NTHL1: variants seen among roughly 807,000 people sequenced by gnomAD.
The protein encoded by NTHL1 is endonuclease III-like protein 1.
NTHL1 carries 32 observed loss-of-function variants against 32.3 expected under a neutral mutation model. The observed-to-expected ratio is 0.99, with a 90% CI of 0.75 to 1.33. The LOEUF (loss-of-function observed/expected upper bound fraction) is 1.33. NTHL1 is among the 40% of genes most tolerant of loss of function. The pLI, the probability that NTHL1 is intolerant of heterozygous loss-of-function variation, is 0.00. For missense variants in NTHL1, 501 were observed against 414.1 expected (o/e 1.21, Z -1.82); for synonymous variants, 188 against 176.9 (o/e 1.06, Z -0.50).
chr16:2,041,933 A>AG, intron 4 of NTHL1: 1 of 415,054 alleles, frequency 2.4e-6, no homozygotes, highest in South Asian at 1.7e-5. Flanking sequence ...TTGTATTTTT[A>AG]GTAGAGAGCG....
Position 2,044,818 on chromosome 16 carries a change from G to A in NTHL1, c.355-18C>T, listed in dbSNP as rs990799280. On this transcript the variant is annotated intron_variant, in intron 2 of 5. Coordinates refer to ENST00000651570, the MANE Select transcript of NTHL1 (RefSeq NM_002528.7). This position sits in a 1 kb window ranked among gnomAD's most constrained non-coding sequence, Gnocchi z 5.0. ...CTGCGTACCTGCTTGTGCAGTGACA[G>A]GGACCGGGGTGGCGGCGGGTCCTGG... 6.3e-7 allele frequency: 1 copy of A among 1,583,186 alleles called. No homozygotes were observed.
chr16:2,044,798 T>G lies in NTHL1; in HGVS notation c.357A>C (p.Val119=), dbSNP rs776325627. Residue 119 remains valine (V), a splice_region_variant and synonymous_variant, in exon 3 of 6, where the codon GTA becomes GTC. Coordinates refer to ENST00000651570, the MANE Select transcript of NTHL1 (RefSeq NM_002528.7). The surrounding 1 kb of genome is among the most constrained non-coding windows in gnomAD (Gnocchi z 5.0). ...GTGACAGCAGCACCTGGTACCTGCG[T>G]ACCTGCTTGTGCAGTGACAGGGACC... ...HCYDSSAPPK[V]RRYQVLLSLM... The G allele has an allele frequency of 1.9e-6, 3 of 1,602,952 alleles. No homozygotes were observed. The highest frequency in any genetic ancestry group is 3.4e-5 in the Admixed American group (2 of 58,788).
rs2150941253 is a variant in NTHL1 at position 2,043,629 on chromosome 16, C to A, written c.623G>T (p.Gly208Val). The A allele has an allele frequency of 1.9e-6, 3 of 1,611,084 alleles. No individual in the cohort carries two copies. The highest frequency in any genetic ancestry group is 2.5e-6 in the Non-Finnish European group (3 of 1,179,970). The change falls in exon 4 of 6, where the codon GGT (glycine) becomes GTT (valine). Residue 208 changes from glycine to valine, a missense_variant. Coordinates refer to ENST00000651570, the MANE Select transcript of NTHL1 (RefSeq NM_002528.7). The surrounding 1 kb of genome is among the most constrained non-coding windows in gnomAD (Gnocchi z 4.4). ...CAGGTGTGCCATCTTGGGCCCAACA[C>A]CCGGCAGCGCCACCAGCTCGGCCAC... ...ASVAELVALP[G>V]VGPKMAHLAM... is the part of the protein sequence containing the mutation.
In NTHL1 at chr16:2,043,283, G is replaced by A. The variant is rs2084294200; in HGVS notation, c.685+284C>T. Among the ~76,000 whole-genome samples, 1 of 152,006 alleles carries A rather than the reference G, an allele frequency of 6.6e-6. No homozygotes were observed. Among genetic ancestry groups the A allele is most frequent in the South Asian group, 2.1e-4 (1 of 4,818 alleles). ...ATCAGGGTTTCCACTCCACGAGTGG[G>A]GAATTCCTCGCTCCACATTTCTCCC... On this transcript the variant is annotated intron_variant, in intron 4 of 5. Coordinates refer to ENST00000651570, the MANE Select transcript of NTHL1 (RefSeq NM_002528.7). This position sits in a 1 kb window ranked among gnomAD's most constrained non-coding sequence, Gnocchi z 4.4.
In NTHL1 at chr16:2,044,560, C is replaced by T; in HGVS notation, c.525+70G>A. 1.3e-6 allele frequency: 2 copies of T among 1,579,990 alleles called. No individual in the cohort carries two copies. The highest frequency in any genetic ancestry group is 1.7e-6 in the Non-Finnish European group (2 of 1,165,044). Reference sequence around the variant, plus strand: ...CCCTCACTTCCTGCACCGTCGCCACCCCCCTCAGCCTTCTGAGGTCTCTCT... The same window carrying T: ...CCCTCACTTCCTGCACCGTCGCCACTCCCCTCAGCCTTCTGAGGTCTCTCT... On this transcript the variant is annotated intron_variant, in intron 3 of 5. Transcript: ENST00000651570. The surrounding 1 kb of genome is among the most constrained non-coding windows in gnomAD (Gnocchi z 5.0).
chr16:2,045,794 C>T (rs2084342355), intron 2 of NTHL1, among the ~76,000 whole-genome samples: 1 of 152,156 alleles, frequency 6.6e-6, no homozygotes, highest in African/African-American at 2.4e-5. Flanking sequence ...GTATCCAAGC[C>T]ACCTGGTAGC....
rs377199671 is a variant in NTHL1 at position 2,044,500 on chromosome 16, G to T, written c.525+130C>A. On this transcript the variant is annotated intron_variant, in intron 3 of 5. Transcript: ENST00000651570. The surrounding 1 kb of genome is among the most constrained non-coding windows in gnomAD (Gnocchi z 5.0). ...CTCAGGGCCCCACGGCCTGGGGGGG[G>T]CTTCAGGGGGACCCCCCGAGCCTGA... 1.7e-6 allele frequency: 2 copies of T among 1,204,484 alleles called. No individual in the cohort carries two copies. Among genetic ancestry groups the T allele is most frequent in the South Asian group, 1.3e-5 (1 of 78,752 alleles). The allele number at this position is 1,204,484 out of a possible 1,614,324, so 74.6% of individuals were successfully genotyped here. A position where few individuals can be genotyped will look rare whatever the true frequency, so the allele number is the denominator to read the frequency against.
chr16:2,040,883 C>T (rs2084259850), intron 4 of NTHL1, among the ~76,000 whole-genome samples: 1 of 152,220 alleles, frequency 6.6e-6, no homozygotes, highest in African/African-American at 2.4e-5. Flanking sequence ...AACAGCTCTG[C>T]CTGGCAGGCC....
At chr16:2,040,548 T>C (rs1166538805) in intron 4 of NTHL1, 5 of 493,770 alleles carry the variant, frequency 1.0e-5, no homozygotes, top group South Asian at 2.0e-5. Context: ...GTCTCTGCTT[T>C]GGGCAGGGCC....
Position 2,043,784 on chromosome 16 carries a change from A to T in NTHL1, c.526-58T>A. 1 of 1,597,778 alleles carries T rather than the reference A, an allele frequency of 6.3e-7. No individual in the cohort carries two copies. Among genetic ancestry groups the T allele is most frequent in the Non-Finnish European group, 8.5e-7 (1 of 1,173,982 alleles). Reference sequence around the variant, plus strand: ...CAAGGGCACAGCCCAACCTGGGAGGATGCAGCCCCCAGGAGACCCACAGGT... The same window carrying T: ...CAAGGGCACAGCCCAACCTGGGAGGTTGCAGCCCCCAGGAGACCCACAGGT... On this transcript the variant is annotated intron_variant, in intron 3 of 5. Coordinates refer to ENST00000651570, the MANE Select transcript of NTHL1 (RefSeq NM_002528.7). This position sits in a 1 kb window ranked among gnomAD's most constrained non-coding sequence, Gnocchi z 4.4.
At chr16:2,041,413 G>A (rs948586223) in intron 4 of NTHL1, among the ~76,000 whole-genome samples, 3 of 152,162 alleles carry the variant, frequency 2.0e-5, no homozygotes, top group Non-Finnish European at 4.4e-5. Flanking sequence ...TGCAGAGCTG[G>A]GACCGGAGCC....
Position 2,044,354 on chromosome 16 carries a change from C to T in NTHL1, c.525+276G>A, listed in dbSNP as rs943400493. Among the ~76,000 whole-genome samples, 8 of 151,994 alleles carry T rather than the reference C, an allele frequency of 5.3e-5. No homozygotes were observed. The highest frequency in any genetic ancestry group is 1.7e-4 in the African/African-American group (7 of 41,392). The stretch of plus-strand genomic sequence containing the variant: ...GGCTAGCAGTAAACAAAGGGAAAGG[C>T]GGGTGGGCAGGCAGCCTTGGCGGTG... On this transcript the variant is annotated intron_variant, in intron 3 of 5. Transcript: ENST00000651570. The surrounding 1 kb of genome is among the most constrained non-coding windows in gnomAD (Gnocchi z 5.0).
chr16:2,039,835 G>C lies in NTHL1; in HGVS notation c.*89C>G. 1 of 1,572,154 alleles carries C rather than the reference G, an allele frequency of 6.4e-7. No homozygotes were observed. Among genetic ancestry groups the C allele is most frequent in the South Asian group, 1.1e-5 (1 of 89,898 alleles). Reference sequence around the variant, plus strand: ...AGATCCCATCTGCAAACACACCAAAGCTTTATTCAACAGGCGTGGCTTCCT... The same window carrying C: ...AGATCCCATCTGCAAACACACCAAACCTTTATTCAACAGGCGTGGCTTCCT... On this transcript the variant is annotated 3_prime_UTR_variant, in exon 6 of 6. Transcript: ENST00000651570.
At position 2,044,086 on chromosome 16, in the gene NTHL1, C is replaced by G. The variant is rs919371501; in HGVS notation, c.526-360G>C. 2.6e-6 allele frequency: 1 copy of G among 382,958 alleles called. No homozygotes were observed. Among genetic ancestry groups the G allele is most frequent in the East Asian group, 5.6e-5 (1 of 17,940 alleles). 23.7% of individuals were successfully genotyped at this position (382,958 alleles called of 1,614,324 possible). On this transcript the variant is annotated intron_variant, in intron 3 of 5. Transcript: ENST00000651570. This position sits in a 1 kb window ranked among gnomAD's most constrained non-coding sequence, Gnocchi z 5.0. ...GGAAGGAGGGCTGGAGCTGGGGCTT[C>G]CCCACCAGCTGCCAGGCCTGCCGGG...
Position 2,044,672 on chromosome 16 carries a change from A to G in NTHL1, c.483T>C (p.Asp161=), listed in dbSNP as rs112724577. 8 of 1,610,898 alleles carry G rather than the reference A, an allele frequency of 5.0e-6. No individual in the cohort carries two copies. The African/African-American group carries it at 1.1e-4, about 21-fold the overall frequency. ...LTVDSILQTD[D]ATLGKLIYPV... ...GGTAGATGAGCTTGCCCAGCGTGGC[A>G]TCATCTGTCTGCAGGATGCTGTCCA... Residue 161 remains aspartate (D), a synonymous_variant, in exon 3 of 6, where the codon GAT becomes GAC. Coordinates refer to ENST00000651570, the MANE Select transcript of NTHL1 (RefSeq NM_002528.7). The surrounding 1 kb of genome is among the most constrained non-coding windows in gnomAD (Gnocchi z 5.0).
intron 4 of NTHL1, 139 bp from the exon 5 acceptor site, chr16:2,040,377 C>T: frequency 1.2e-6 from 1 of 807,716 alleles, no homozygotes; most frequent in South Asian, 1.4e-5. Context: ...TGGCTGCAAG[C>T]CTACATGTGA....
rs1386643806 is a variant in NTHL1 at position 2,043,287 on chromosome 16, T to C, written c.685+280A>G. Reference sequence around the variant, plus strand: ...GGGTTTCCACTCCACGAGTGGGGAATTCCTCGCTCCACATTTCTCCCGAAT... The same window carrying C: ...GGGTTTCCACTCCACGAGTGGGGAACTCCTCGCTCCACATTTCTCCCGAAT... On this transcript the variant is annotated intron_variant, in intron 4 of 5. Transcript: ENST00000651570. This position sits in a 1 kb window ranked among gnomAD's most constrained non-coding sequence, Gnocchi z 4.4. Among the ~76,000 whole-genome samples the C allele has an allele frequency of 6.6e-6, 1 of 151,946 alleles. No homozygotes were observed. The highest frequency in any genetic ancestry group is 1.5e-5 in the Non-Finnish European group (1 of 67,988).
chr16:2,043,913 G>C lies in NTHL1; in HGVS notation c.526-187C>G, dbSNP rs528323490. The stretch of plus-strand genomic sequence containing the variant: ...CAGCAGGGAGGCCCAAGGTAGGCCT[G>C]ACCCCCTCCTCCCACCCGTGTGGGC... On this transcript the variant is annotated intron_variant, in intron 3 of 5. Transcript: ENST00000651570. This position sits in a 1 kb window ranked among gnomAD's most constrained non-coding sequence, Gnocchi z 4.4. 2.2e-4 allele frequency: 140 copies of C among 645,106 alleles called. No individual in the cohort carries two copies. The African/African-American group carries it at 2.3e-3, about 11-fold the overall frequency. The allele number at this position is 645,106 out of a possible 1,614,324, so 40.0% of individuals were successfully genotyped here. A position where few individuals can be genotyped will look rare whatever the true frequency, so the allele number is the denominator to read the frequency against.
At chr16:2,047,631 C>A (rs1251740982) in intron 1 of NTHL1, 78 bp downstream of exon 1, 3 of 1,502,682 alleles carry the variant, frequency 2.0e-6, no homozygotes, top group Non-Finnish European at 2.7e-6. Context: ...AGCTGGGAGC[C>A]GCAGGAGGCG....
Sources: gnomAD v4.1 joint callset for allele counts (sites outside exome capture counted in the v4.1 genomes callset) on GRCh38, gnomAD v4.1.1 for gene constraint, Gnocchi (gnomAD v3.1) non-coding constraint, MANE v1.5 for transcripts, NCBI Gene and HGNC (gene_info 2026-07-23, HGNC 2026-07-21) for gene names.